Variants in PPP2R3B observed in about 807,000 individuals in gnomAD.
PPP2R3B encodes serine/threonine-protein phosphatase 2A regulatory subunit B'' subunit beta.
PPP2R3B carries 68 observed loss-of-function variants against 72.9 expected under a neutral mutation model. That is an observed-to-expected ratio of 0.93 (90% confidence interval 0.77 to 1.14). The LOEUF is 1.14. Ranked by LOEUF, PPP2R3B falls within the 50% of genes most tolerant of loss-of-function variation. The pLI is 0.00. For missense variants in PPP2R3B, 1,018 were observed against 842.0 expected, an observed-to-expected ratio of 1.21 and a Z score of -2.59; for synonymous variants, 466 against 375.8, an observed-to-expected ratio of 1.24 and a Z score of -2.78.
At position 361,441 on chromosome X, in the gene PPP2R3B, C is replaced by T; in HGVS notation, c.474G>A (p.Glu158=). ...GGCCCATGTCATCCATGGTGGCCCT[C>T]TCGTGGGGGAACCGGGCGAAGGTGC... ...IESTFARFPH[E]RATMDDMGLV... is the part of the protein sequence containing the mutation. The change falls in exon 2 of 13, where the codon GAG becomes GAA. Residue 158 remains glutamate (E), a synonymous_variant. Coordinates refer to ENST00000390665, the MANE Select transcript of PPP2R3B (RefSeq NM_013239.5). The T allele has an allele frequency of 4.3e-6, 7 of 1,613,998 alleles. No individual in the cohort carries two copies. Among genetic ancestry groups the T allele is most frequent in the Non-Finnish European group, 5.9e-6 (7 of 1,179,862 alleles).
Position 342,408 on chromosome X carries a change from T to TGAGACCTCAGCAACGGGAGGCGGGAGG in PPP2R3B, c.1037-504_1037-478dup, listed in dbSNP as rs1569381841. Among the ~76,000 whole-genome samples the TGAGACCTCAGCAACGGGAGGCGGGAGG allele has an allele frequency of 1.2e-3, 37 of 30,836 alleles. 12 individuals are homozygous for TGAGACCTCAGCAACGGGAGGCGGGAGG. Among genetic ancestry groups the TGAGACCTCAGCAACGGGAGGCGGGAGG allele is most frequent in the East Asian group, 5.2e-3 (4 of 770 alleles). The allele number at this position is 30,836 out of a possible 152,430, so 20.2% of individuals were successfully genotyped here. On this transcript the variant is annotated intron_variant, in intron 7 of 12. Transcript: ENST00000390665. ...AGACCTCAGCAACGGGAGGCGGGAG[T>TGAGACCTCAGCAACGGGAGGCGGGAGG]GAGACCTCAGCAACGGGAGGCGGGA...
At chrX:355,672 T>C (rs745420740) in intron 2 of PPP2R3B, among the ~76,000 whole-genome samples, 1 of 152,006 alleles carries the variant, frequency 6.6e-6, no homozygotes, top group South Asian at 2.1e-4. Context: ...GTGCTCCAAA[T>C]GGTTACGGTG....
In PPP2R3B at chrX:334,496, A is replaced by C. The variant is rs1133523; in HGVS notation, c.1599T>G (p.Pro533=). Residue 533 remains proline (P), a synonymous_variant, in exon 13 of 13, where the codon CCT becomes CCG. Transcript: ENST00000390665. The stretch of plus-strand genomic sequence containing the variant: ...GCAGCGCACTCAGCTTCTGCTCCAC[A>C]GGGCTGAGCTCGGCCTCGAACCTGC... ...WEDGFEAELS[P]VEQKLSALRS... The C allele has an allele frequency of 6.4e-7, 1 of 1,572,980 alleles. No homozygotes were observed. The highest frequency in any genetic ancestry group is 8.6e-7 in the Non-Finnish European group (1 of 1,166,196).
chrX:369,454 C>T (rs755723562), intron 1 of PPP2R3B, among the ~76,000 whole-genome samples: 4 of 152,356 alleles, frequency 2.6e-5, no homozygotes, highest in African/African-American at 7.2e-5. Flanking sequence ...CCAGAAGTCA[C>T]AGATACATGT....
At chrX:358,983 G>A (rs1460710115) in intron 2 of PPP2R3B, among the ~76,000 whole-genome samples, 4 of 150,034 alleles carry the variant, frequency 2.7e-5, no homozygotes, top group African/African-American at 9.8e-5. Flanking sequence ...GGGAAGCACC[G>A]CGGCCGGGGA....
intron 5 of PPP2R3B, 128 bp from the exon 6 acceptor site, chrX:346,388 G>C (rs1474754133): frequency 5.5e-6 from 5 of 907,022 alleles, no homozygotes; most frequent in African/African-American, 5.0e-5. Context: ...GGGCACAGGC[G>C]GGGGCAGAGG....
At chrX:376,320 C>G (rs1037673775) in intron 1 of PPP2R3B, among the ~76,000 whole-genome samples, 6 of 152,186 alleles carry the variant, frequency 3.9e-5, no homozygotes, top group Non-Finnish European at 7.4e-5. Flanking sequence ...CCACTGCCCC[C>G]CTGGAGCCCT....
intron 2 of PPP2R3B, among the ~76,000 whole-genome samples, chrX:351,970 C>T (rs1409449040): frequency 6.6e-6 from 1 of 152,172 alleles, no homozygotes. Flanking sequence ...GCTGGGACTA[C>T]AGGGATGACA....
chrX:386,680 G>T lies in PPP2R3B; in HGVS notation c.12C>A (p.Gly4=). The T allele has an allele frequency of 1.5e-6, 2 of 1,314,916 alleles. No individual in the cohort carries two copies. Among genetic ancestry groups the T allele is most frequent in the Admixed American group, 3.4e-5 (1 of 29,660 alleles). The allele number at this position is 1,314,916 out of a possible 1,614,324, so 81.5% of individuals were successfully genotyped here. Residue 4 remains glycine (G), a synonymous_variant, in exon 1 of 13, where the codon GGC becomes GGA. Transcript: ENST00000390665. ...TCTTCAGGACCGGCTGCAGCACTTT[G>T]CCGGGCGGCATGGCGGGGGCTGGGC... MPP[G]KVLQPVLKMK... is the part of the protein sequence containing the mutation.
intron 2 of PPP2R3B, among the ~76,000 whole-genome samples, chrX:351,790 C>T (rs978565983): frequency 1.3e-5 from 2 of 152,330 alleles, no homozygotes; most frequent in Non-Finnish European, 1.5e-5. Flanking sequence ...CTCAACTTCA[C>T]GGGCTCAAGC....
In PPP2R3B at chrX:334,383, T is replaced by G. The variant is rs775242384; in HGVS notation, c.1712A>C (p.Asp571Ala). 8 of 1,523,156 alleles carry G rather than the reference T, an allele frequency of 5.3e-6. No homozygotes were observed. The South Asian group carries it at 9.8e-5, about 19-fold the overall frequency. The allele number at this position is 1,523,156 out of a possible 1,614,324, so 94.4% of individuals were successfully genotyped here. ...DLYEYACGDE[D>A]LEPL ...CGGGCGGCGTCACAGCGGCTCCAGG[T>G]CCTCGTCCCCGCATGCGTACTCGTA... The change falls in exon 13 of 13, where the codon GAC (aspartate) becomes GCC (alanine). Residue 571 changes from aspartate to alanine, a missense_variant. Physicochemically the swap from Asp to Ala is moderately radical, Grantham distance 126. Transcript: ENST00000390665.
intron 1 of PPP2R3B, among the ~76,000 whole-genome samples, chrX:385,468 G>A (rs998305856): frequency 5.3e-5 from 8 of 151,446 alleles, no homozygotes; most frequent in African/African-American, 1.7e-4. Flanking sequence ...CAGAGGCTGC[G>A]CTTCTCACCT....
intron 1 of PPP2R3B, among the ~76,000 whole-genome samples, chrX:364,690 C>A (rs1421915756): frequency 1.3e-5 from 1 of 76,428 alleles, no homozygotes. Flanking sequence ...TGCACTCCAG[C>A]CTGGGCGACA....
At position 375,477 on chromosome X, in the gene PPP2R3B, G is replaced by A. The variant is rs112296435; in HGVS notation, c.324+10891C>T. Among the ~76,000 whole-genome samples the A allele has an allele frequency of 3.9e-4, 55 of 142,672 alleles. 1 individual carries two copies. The highest frequency in any genetic ancestry group is 1.4e-3 in the African/African-American group (51 of 35,714). 93.6% of individuals were successfully genotyped at this position (142,672 alleles called of 152,430 possible). On this transcript the variant is annotated intron_variant, in intron 1 of 12. Transcript: ENST00000390665. Reference sequence around the variant, plus strand: ...ACGATGCAGGATGCAAACTCACAGGGCAGAGGTGCGGCCCAGTAACCCATG... The same window carrying A: ...ACGATGCAGGATGCAAACTCACAGGACAGAGGTGCGGCCCAGTAACCCATG...
chrX:341,718 C>CCA (rs781295603), intron 8 of PPP2R3B, 165 bp downstream of exon 8: 1 of 797,594 alleles, frequency 1.3e-6, no homozygotes, highest in African/African-American at 1.7e-5. Context: ...CACCCCCCCC[C>CCA]ACTAGGGATT....
rs1569397725 is a variant in PPP2R3B at position 356,824 on chromosome X, G to GTAACCACGCCTTGGCCAGCCACACAGA, written c.510+4580_510+4581insTCTGTGTGGCTGGCCAAGGCGTGGTTA. ...TATCCACACCCTGGCCAGCCACACGGGAGCCCCACGGTAACCACGCCTTGG... is the reference window on the plus strand; with the variant it reads ...TATCCACACCCTGGCCAGCCACACGGTAACCACGCCTTGGCCAGCCACACAGAGAGCCCCACGGTAACCACGCCTTGG... On this transcript the variant is annotated intron_variant, in intron 2 of 12. Coordinates refer to ENST00000390665, the MANE Select transcript of PPP2R3B (RefSeq NM_013239.5). 6.9e-5 allele frequency among the ~76,000 whole-genome samples: 7 copies of GTAACCACGCCTTGGCCAGCCACACAGA among 101,208 alleles called. 1 individual carries two copies. The highest frequency in any genetic ancestry group is 3.4e-4 in the East Asian group (1 of 2,924). 66.4% of individuals were successfully genotyped at this position (101,208 alleles called of 152,430 possible). A position where few individuals can be genotyped will look rare whatever the true frequency, so the allele number is the denominator to read the frequency against.
At chrX:354,680 G>GT (rs767157471) in intron 2 of PPP2R3B, among the ~76,000 whole-genome samples, 63 of 152,224 alleles carry the variant, frequency 4.1e-4, no homozygotes, top group African/African-American at 1.4e-3. Flanking sequence ...GCAGAACCCT[G>GT]TCTCTACCAA....
In PPP2R3B at chrX:386,693, G is replaced by A. The variant is rs756616067; in HGVS notation, c.-2C>T. ...CTGCAGCACTTTGCCGGGCGGCATG[G>A]CGGGGGCTGGGCCCGCGGCGCCCCC... On this transcript the variant is annotated 5_prime_UTR_variant, in exon 1 of 13. Transcript: ENST00000390665. 7.8e-7 allele frequency: 1 copy of A among 1,288,060 alleles called. No homozygotes were observed. The highest frequency in any genetic ancestry group is 1.6e-5 in the African/African-American group (1 of 64,090). The allele number at this position is 1,288,060 out of a possible 1,614,324, so 79.8% of individuals were successfully genotyped here.
intron 1 of PPP2R3B, among the ~76,000 whole-genome samples, chrX:380,295 C>A (rs1230105351): frequency 2.0e-5 from 3 of 152,166 alleles, no homozygotes; most frequent in African/African-American, 7.2e-5. Flanking sequence ...GAGACATATG[C>A]ACACACCACA....
Sources: allele counts gnomAD v4.1 joint callset (sites outside exome capture counted in the v4.1 genomes callset), GRCh38; gene constraint gnomAD v4.1.1; transcripts MANE v1.5; gene names NCBI Gene and HGNC (gene_info 2026-07-23, HGNC 2026-07-21).